Variants in GPC6 observed in about 807,000 individuals in gnomAD.
GPC6 encodes the protein glypican 6, also known as glypican-6.
In GPC6, 14 loss-of-function variants were observed where a neutral mutation model predicts 55.2. The observed-to-expected ratio is 0.25, with a 90% confidence interval of 0.17 to 0.40. The LOEUF is 0.40. GPC6 is among the 10% of genes least tolerant of loss of function. The pLI is 1.00. For missense variants in GPC6, 641 were observed against 708.5 expected, an observed-to-expected ratio of 0.90 and a Z score of 1.08; for synonymous variants, 278 against 259.6, an observed-to-expected ratio of 1.07 and a Z score of -0.68.
At chr13:93,810,266 G>C (rs983017767) in intron 2 of GPC6, among the ~76,000 whole-genome samples, 1 of 152,134 alleles carries the variant, frequency 6.6e-6, no homozygotes, top group African/African-American at 2.4e-5. Flanking sequence ...CATTGAGTCC[G>C]TTTCACTATA....
chr13:93,742,912 G>A (rs1254979478), intron 2 of GPC6, among the ~76,000 whole-genome samples: 1 of 152,084 alleles, frequency 6.6e-6, no homozygotes, highest in East Asian at 1.9e-4. Flanking sequence ...ATACTTCAGA[G>A]CATGTTTCAC....
intron 4 of GPC6, among the ~76,000 whole-genome samples, chr13:94,264,792 A>G (rs1891746838): frequency 6.6e-6 from 1 of 152,160 alleles, no homozygotes; most frequent in South Asian, 2.1e-4. Context: ...ATTTATAAAG[A>G]CAAAGGGGTT....
intron 4 of GPC6, among the ~76,000 whole-genome samples, chr13:94,157,107 A>G (rs926684452): frequency 2.0e-5 from 3 of 152,138 alleles, no homozygotes; most frequent in Admixed American, 2.0e-4. Context: ...TGGGGCCAAG[A>G]CTCCTAAATC....
intron 1 of GPC6, among the ~76,000 whole-genome samples, chr13:93,476,286 CTG>C (rs1026425559): frequency 1.3e-5 from 2 of 151,726 alleles, no homozygotes; most frequent in African/African-American, 4.8e-5. Flanking sequence ...GTGTGCGTGT[CTG>C]TGTGTGCGTG....
chr13:93,342,533 G>A (rs762426535), intron 1 of GPC6, among the ~76,000 whole-genome samples: 1 of 152,134 alleles, frequency 6.6e-6, no homozygotes, highest in Non-Finnish European at 1.5e-5. Flanking sequence ...CCTCCCATCA[G>A]GTCCCTCCCA....
intron 1 of GPC6, among the ~76,000 whole-genome samples, chr13:93,444,717 C>G (rs529214033): frequency 3.3e-5 from 5 of 152,298 alleles, no homozygotes; most frequent in African/African-American, 1.2e-4. Flanking sequence ...GACACAAACT[C>G]TCATAAAAAT....
chr13:93,320,694 C>T (rs1879409300), intron 1 of GPC6, among the ~76,000 whole-genome samples: 1 of 151,876 alleles, frequency 6.6e-6, no homozygotes, highest in Admixed American at 6.6e-5. Flanking sequence ...ATGATGGATT[C>T]ACTTTGGGGC....
intron 3 of GPC6, among the ~76,000 whole-genome samples, chr13:93,907,462 C>A (rs886229593): frequency 6.6e-6 from 1 of 152,082 alleles, no homozygotes; most frequent in African/African-American, 2.4e-5. Context: ...AATTGATAAA[C>A]GATCTGTATT....
chr13:94,077,835 A>G (rs569176787), intron 4 of GPC6, among the ~76,000 whole-genome samples: 1 of 152,012 alleles, frequency 6.6e-6, no homozygotes, highest in African/African-American at 2.4e-5. Context: ...TGATCATGCT[A>G]CATGATCTTT....
At chr13:93,677,245 C>T (rs1279708683) in intron 2 of GPC6, among the ~76,000 whole-genome samples, 6 of 152,046 alleles carry the variant, frequency 3.9e-5, no homozygotes, top group African/African-American at 9.7e-5. Flanking sequence ...GTCTTTCACT[C>T]TTGTTTCTTA....
chr13:93,641,771 A>C (rs982874158), intron 2 of GPC6, among the ~76,000 whole-genome samples: 7 of 152,060 alleles, frequency 4.6e-5, no homozygotes, highest in Non-Finnish European at 8.8e-5. Context: ...TTATAAAGGA[A>C]AACATTGTCA....
chr13:93,839,753 T>C (rs1212906060), intron 3 of GPC6, among the ~76,000 whole-genome samples: 2 of 152,150 alleles, frequency 1.3e-5, no homozygotes, highest in Non-Finnish European at 2.9e-5. Context: ...ATCAGCGCAC[T>C]ATAGAGGTTT....
At chr13:93,239,672 C>T (rs933676574) in intron 1 of GPC6, among the ~76,000 whole-genome samples, 22 of 151,016 alleles carry the variant, frequency 1.5e-4, no homozygotes, top group South Asian at 1.3e-3. Context: ...TTTCTGCTAC[C>T]TTTGGGTTTG....
intron 3 of GPC6, among the ~76,000 whole-genome samples, chr13:93,967,957 T>C (rs9524291): frequency 0.14 from 21,517 of 152,160 alleles, 1,782 homozygotes; most frequent in East Asian, 0.27. Flanking sequence ...CCCGTGGGCA[T>C]TGACTCAGTA....
At chr13:93,240,335 A>T (rs897674870) in intron 1 of GPC6, among the ~76,000 whole-genome samples, 1 of 152,018 alleles carries the variant, frequency 6.6e-6, no homozygotes, top group African/African-American at 2.4e-5. Context: ...TAAGGTTGTT[A>T]TCTCTTCTTG....
chr13:93,341,117 G>A (rs1880241277), intron 1 of GPC6, among the ~76,000 whole-genome samples: 2 of 152,096 alleles, frequency 1.3e-5, no homozygotes, highest in Non-Finnish European at 2.9e-5. Context: ...AGTATTCCAT[G>A]GTGTATATAT....
At chr13:93,825,645 G>A (rs1444074794) in intron 2 of GPC6, among the ~76,000 whole-genome samples, 1 of 152,024 alleles carries the variant, frequency 6.6e-6, no homozygotes, top group African/African-American at 2.4e-5. Flanking sequence ...GATTATATCA[G>A]GCTGTTACAT....
intron 2 of GPC6, among the ~76,000 whole-genome samples, chr13:93,672,919 G>T (rs1881431589): frequency 6.6e-6 from 1 of 152,002 alleles, no homozygotes; most frequent in South Asian, 2.1e-4. Context: ...ACTTCTTTGA[G>T]TTCTGTTCTC....
intron 4 of GPC6, among the ~76,000 whole-genome samples, chr13:94,123,732 T>C (rs373472553): frequency 1.5e-4 from 23 of 152,120 alleles, no homozygotes; most frequent in East Asian, 1.4e-3. Context: ...GGGGGTAAGA[T>C]AGTTATAATG....
Sources: allele counts gnomAD v4.1 joint callset (sites outside exome capture counted in the v4.1 genomes callset), GRCh38; gene constraint gnomAD v4.1.1; transcripts MANE v1.5; gene names NCBI Gene and HGNC (gene_info 2026-07-23, HGNC 2026-07-21).